Variants in BNC2 observed in about 807,000 individuals in gnomAD.
BNC2 encodes the protein zinc finger protein basonuclin-2.
A neutral mutation model predicts 76.3 loss-of-function variants in BNC2; 20 were observed. The ratio of observed to expected loss-of-function variants is 0.26; its 90% CI spans 0.18 to 0.38. The LOEUF is 0.38. Ranked by LOEUF, BNC2 falls within the 10% of genes least tolerant of loss-of-function variation. The pLI is 1.00. For synonymous variants in BNC2, 582 were observed against 514.8 expected (o/e 1.13, Z -1.77); for missense variants, 1,382 against 1,399.8 (o/e 0.99, Z 0.20).
chr9:16,720,546 G>A (rs922511997), intron 3 of BNC2, among the ~76,000 whole-genome samples: 2 of 152,160 alleles, frequency 1.3e-5, no homozygotes, highest in Admixed American at 6.5e-5. Flanking sequence ...TAAGACGTCA[G>A]ATATGCTCAA....
intron 4 of BNC2, among the ~76,000 whole-genome samples, chr9:16,572,906 T>C (rs984704322): frequency 1.3e-5 from 2 of 152,068 alleles, no homozygotes; most frequent in Admixed American, 6.6e-5. Flanking sequence ...CTCTCATACC[T>C]AGAGCCTACG....
At position 16,520,884 on chromosome 9, in the gene BNC2, A is replaced by G. The variant is rs185206286; in HGVS notation, c.669+31646T>C. On this transcript the variant is annotated intron_variant, in intron 5 of 6. Coordinates refer to ENST00000380672, the MANE Select transcript of BNC2 (RefSeq NM_017637.6). ...GCATAGCTTTAAAAAAATTGCAAAG[A>G]AAAACAGAAATCCAAGGCAATTTTG... is the stretch of plus-strand genomic sequence containing the variant. 7.9e-5 allele frequency among the ~76,000 whole-genome samples: 12 copies of G among 152,352 alleles called. No individual in the cohort carries two copies. In the East Asian group the frequency reaches 2.3e-3, roughly 29 times the overall value.
chr9:16,797,588 G>C (rs1460940046), intron 1 of BNC2, among the ~76,000 whole-genome samples: 1 of 152,124 alleles, frequency 6.6e-6, no homozygotes, highest in Non-Finnish European at 1.5e-5. Context: ...TGGAGGCTAG[G>C]TATGCATCTA....
chr9:16,430,394 A>C (rs1187498131), intron 6 of BNC2, among the ~76,000 whole-genome samples: 1 of 152,206 alleles, frequency 6.6e-6, no homozygotes, highest in Non-Finnish European at 1.5e-5. Context: ...GGGCAAATAT[A>C]CTAATAGTTA....
intron 5 of BNC2, among the ~76,000 whole-genome samples, chr9:16,455,933 A>C (rs1457532677): frequency 1.3e-5 from 2 of 152,224 alleles, no homozygotes; most frequent in African/African-American, 2.4e-5. Context: ...GGAATAAAAA[A>C]GCTTGCCTTA....
At chr9:16,744,920 A>T (rs7035033) in intron 1 of BNC2, among the ~76,000 whole-genome samples, 14 of 152,242 alleles carry the variant, frequency 9.2e-5, no homozygotes, top group Admixed American at 1.3e-4. Flanking sequence ...CATCCTTTAT[A>T]GTGTTATTTA....
chr9:16,471,386 C>T (rs1232484091), intron 5 of BNC2, among the ~76,000 whole-genome samples: 7 of 151,850 alleles, frequency 4.6e-5, no homozygotes, highest in South Asian at 2.1e-4. Flanking sequence ...CCCCGCCTCC[C>T]GGATTCAAGC....
At chr9:16,657,433 G>A (rs909689206) in intron 3 of BNC2, among the ~76,000 whole-genome samples, 3 of 152,210 alleles carry the variant, frequency 2.0e-5, no homozygotes, top group African/African-American at 4.8e-5. Context: ...CAGATGAGAG[G>A]TCAGCGCTCC....
chr9:16,810,164 A>G (rs1198626505), intron 1 of BNC2, among the ~76,000 whole-genome samples: 1 of 152,240 alleles, frequency 6.6e-6, no homozygotes, highest in Non-Finnish European at 1.5e-5. Flanking sequence ...CTTTATAAAA[A>G]GAATATCATT....
intron 5 of BNC2, among the ~76,000 whole-genome samples, chr9:16,474,850 T>C (rs1049783657): frequency 4.6e-5 from 7 of 152,086 alleles, no homozygotes; most frequent in African/African-American, 1.4e-4. Flanking sequence ...AAAAAACCCA[T>C]GATGAACACC....
At chr9:16,715,050 G>C (rs1469069027) in intron 3 of BNC2, among the ~76,000 whole-genome samples, 1 of 152,070 alleles carries the variant, frequency 6.6e-6, no homozygotes, top group Non-Finnish European at 1.5e-5. Flanking sequence ...ATAATCAATT[G>C]CTTGGTAAAT....
At chr9:16,571,054 A>G (rs1819309158) in intron 4 of BNC2, among the ~76,000 whole-genome samples, 1 of 152,180 alleles carries the variant, frequency 6.6e-6, no homozygotes, top group South Asian at 2.1e-4. Flanking sequence ...AAATTGTAAA[A>G]TGTAGCAATT....
chr9:16,771,182 T>G (rs899436978), intron 1 of BNC2, among the ~76,000 whole-genome samples: 5 of 151,892 alleles, frequency 3.3e-5, no homozygotes, highest in Admixed American at 1.3e-4. Flanking sequence ...AAAAAAGAAT[T>G]CTTAGCAAGG....
chr9:16,557,466 T>C (rs759900689), intron 4 of BNC2, among the ~76,000 whole-genome samples: 26 of 151,522 alleles, frequency 1.7e-4, no homozygotes, highest in Non-Finnish European at 3.4e-4. Context: ...ACCACTGCAC[T>C]CTAGCCTGGG....
At chr9:16,811,803 G>T (rs373402028) in intron 1 of BNC2, among the ~76,000 whole-genome samples, 33 of 152,302 alleles carry the variant, frequency 2.2e-4, no homozygotes, top group African/African-American at 7.7e-4. Context: ...TGGCCTTAGT[G>T]AAGGGGGCAA....
intron 5 of BNC2, among the ~76,000 whole-genome samples, chr9:16,485,354 G>C (rs756796541): frequency 1.3e-5 from 2 of 152,136 alleles, no homozygotes; most frequent in Non-Finnish European, 2.9e-5. Context: ...TTGTAGCCCA[G>C]TTTGCATTTT....
chr9:16,847,309 T>C (rs996541126), intron 1 of BNC2, among the ~76,000 whole-genome samples: 1 of 150,878 alleles, frequency 6.6e-6, no homozygotes, highest in Non-Finnish European at 1.5e-5. Flanking sequence ...TTATTTTTTT[T>C]ATTTATTTAA....
chr9:16,606,370 T>A (rs1042886131), intron 3 of BNC2, among the ~76,000 whole-genome samples: 1 of 152,198 alleles, frequency 6.6e-6, no homozygotes, highest in Non-Finnish European at 1.5e-5. Flanking sequence ...TTAATTTATT[T>A]ATATGGTTTG....
chr9:16,668,203 G>C (rs1001934745), intron 3 of BNC2, among the ~76,000 whole-genome samples: 6 of 152,214 alleles, frequency 3.9e-5, no homozygotes, highest in African/African-American at 1.4e-4. Flanking sequence ...GCCCAGGCTA[G>C]TCTGGAAGAG....
Sources: allele counts gnomAD v4.1 joint callset (sites outside exome capture counted in the v4.1 genomes callset), GRCh38; gene constraint gnomAD v4.1.1; transcripts MANE v1.5; gene names NCBI Gene and HGNC (gene_info 2026-07-23, HGNC 2026-07-21).